Variants in RHOA observed in about 807,000 individuals in gnomAD.
The protein encoded by RHOA is transforming protein RhoA.
RHOA carries 3 observed loss-of-function variants against 17.5 expected under a neutral mutation model. The observed-to-expected ratio is 0.17, with a 90% CI of 0.08 to 0.44. RHOA has a LOEUF of 0.44. RHOA is among the 20% of genes least tolerant of loss of function. RHOA has a pLI of 0.99. For missense variants in RHOA, 56 were observed against 242.3 expected (o/e 0.23, Z 5.10); for synonymous variants, 98 against 88.4 (o/e 1.11, Z -0.61).
intron 3 of RHOA, among the ~76,000 whole-genome samples, chr3:49,365,561 G>A (rs368544111): frequency 1.3e-5 from 2 of 150,282 alleles, no homozygotes; most frequent in East Asian, 2.0e-4. Context: ...ATTGACTGTC[G>A]CCACTTTTGG....
At chr3:49,408,093 C>T (rs914303377) in intron 1 of RHOA, among the ~76,000 whole-genome samples, 1 of 151,570 alleles carries the variant, frequency 6.6e-6, no homozygotes, top group Non-Finnish European at 1.5e-5. Context: ...TAGGAGGCGG[C>T]GGTTGCAGTG....
chr3:49,403,102 G>A (rs890395190), intron 1 of RHOA, among the ~76,000 whole-genome samples: 3 of 151,842 alleles, frequency 2.0e-5, no homozygotes, highest in African/African-American at 7.3e-5. Context: ...AACACTTTGG[G>A]AAGCAGAGGC....
chr3:49,409,748 A>G (rs567576371), intron 1 of RHOA, among the ~76,000 whole-genome samples: 1 of 152,352 alleles, frequency 6.6e-6, no homozygotes, highest in Non-Finnish European at 1.5e-5. Flanking sequence ...AAAGCAGTTA[A>G]CTGACAAATG....
At chr3:49,391,105 C>A (rs2048495285) in intron 1 of RHOA, among the ~76,000 whole-genome samples, 1 of 151,652 alleles carries the variant, frequency 6.6e-6, no homozygotes, top group South Asian at 2.1e-4. Context: ...GTAGTCCCAG[C>A]TACTTGGGAG....
intron 2 of RHOA, among the ~76,000 whole-genome samples, chr3:49,368,882 T>C (rs2048102045): frequency 6.6e-6 from 1 of 151,064 alleles, no homozygotes; most frequent in Non-Finnish European, 1.5e-5. Flanking sequence ...TAATTTTTTG[T>C]ATTTTTAGTA....
intron 1 of RHOA, among the ~76,000 whole-genome samples, chr3:49,403,681 C>T (rs543762793): frequency 2.2e-4 from 33 of 152,092 alleles, no homozygotes; most frequent in South Asian, 1.7e-3. Context: ...GCCATGATTC[C>T]GACACTGCAC....
intron 1 of RHOA, among the ~76,000 whole-genome samples, chr3:49,398,550 G>A (rs960393641): frequency 3.3e-5 from 5 of 151,658 alleles, no homozygotes; most frequent in Non-Finnish European, 4.4e-5. Context: ...CTGGCAGGGC[G>A]CGGTGGCTCA....
At chr3:49,376,448 C>A (rs1401178875) in intron 1 of RHOA, among the ~76,000 whole-genome samples, 2 of 150,324 alleles carry the variant, frequency 1.3e-5, no homozygotes, top group Non-Finnish European at 3.0e-5. Flanking sequence ...TCGAGACCAT[C>A]CTGGCTAACA....
chr3:49,399,181 GAC>G (rs1391945931), intron 1 of RHOA, among the ~76,000 whole-genome samples: 1 of 150,766 alleles, frequency 6.6e-6, no homozygotes, highest in African/African-American at 2.4e-5. Context: ...CACCCTGGCT[GAC>G]ACAGTGAAAC....
intron 1 of RHOA, among the ~76,000 whole-genome samples, chr3:49,405,979 G>A (rs183744769): frequency 7.2e-5 from 11 of 152,184 alleles, no homozygotes; most frequent in African/African-American, 1.7e-4. Context: ...GCCACCATAC[G>A]CAGCCTGCCT....
intron 3 of RHOA, among the ~76,000 whole-genome samples, chr3:49,366,398 T>C (rs1273809180): frequency 6.6e-6 from 1 of 151,982 alleles, no homozygotes; most frequent in Non-Finnish European, 1.5e-5. Context: ...AGGTCAGAAG[T>C]TTGAGAGAAG....
In RHOA at chr3:49,360,439, G is replaced by C. The variant is rs535420486; in HGVS notation, c.409-57C>G. 129 of 1,495,542 alleles carry C rather than the reference G, an allele frequency of 8.6e-5. 1 individual carries two copies. In the South Asian group the frequency reaches 1.5e-3, roughly 18 times the overall value. The allele number at this position is 1,495,542 out of a possible 1,614,324, so 92.6% of individuals were successfully genotyped here. On this transcript the variant is annotated intron_variant, in intron 4 of 4. Coordinates refer to ENST00000418115, the MANE Select transcript of RHOA (RefSeq NM_001664.4). The stretch of plus-strand genomic sequence containing the variant: ...TAATAGTGTGGCATACATATAGTAA[G>C]TAAAAAGTATTCAAATTCATCTAAA...
Position 49,360,174 on chromosome 3 carries a change from A to G in RHOA, c.*35T>C. Reference sequence around the variant, plus strand: ...TAAGATTAATAAACAGCACTTCAAAATTAACCGCATAAGGGCTGTGCTTGC... The same window carrying G: ...TAAGATTAATAAACAGCACTTCAAAGTTAACCGCATAAGGGCTGTGCTTGC... On this transcript the variant is annotated 3_prime_UTR_variant, in exon 5 of 5. Transcript: ENST00000418115. 1 of 1,582,970 alleles carries G rather than the reference A, an allele frequency of 6.3e-7. No homozygotes were observed. The highest frequency in any genetic ancestry group is 1.2e-5 in the South Asian group (1 of 86,388).
intron 1 of RHOA, among the ~76,000 whole-genome samples, chr3:49,408,771 G>C (rs2048881228): frequency 1.3e-5 from 2 of 150,950 alleles, no homozygotes; most frequent in South Asian, 2.1e-4. Context: ...CTAAATGGCA[G>C]AGTCAGACAA....
Position 49,360,243 on chromosome 3 carries a change from C to G in RHOA, c.548G>C (p.Arg183Pro). 6.2e-7 allele frequency: 1 copy of G among 1,613,918 alleles called. No homozygotes were observed. Among genetic ancestry groups the G allele is most frequent in the South Asian group, 1.1e-5 (1 of 91,014 alleles). Residue 183 changes from arginine (R) to proline (P), a missense_variant, in exon 5 of 5, where the codon CGT becomes CCT. Around this residue, in one of 2 missense-constraint regions of RHOA, gnomAD observed 39 missense variants for 86.0 expected, o/e 0.45. Transcript: ENST00000418115. The stretch of plus-strand genomic sequence containing the variant: ...AAGGCACCCAGATTTTTTCTTCCCA[C>G]GTCTAGCTTGCAGAGCAGCTCTCGT... ...MATRAALQAR[R>P]GKKKSGCLVL
At chr3:49,369,298 C>T (rs886113303) in intron 2 of RHOA, among the ~76,000 whole-genome samples, 8 of 117,158 alleles carry the variant, frequency 6.8e-5, no homozygotes, top group Admixed American at 2.2e-4. Context: ...GCTGGGATTA[C>T]AGGCATGAGC....
intron 1 of RHOA, among the ~76,000 whole-genome samples, chr3:49,390,617 G>C (rs1164374233): frequency 6.6e-6 from 1 of 152,092 alleles, no homozygotes; most frequent in Non-Finnish European, 1.5e-5. Flanking sequence ...GTTTGAACCA[G>C]TCAACATGTA....
At chr3:49,401,091 A>G (rs533743272) in intron 1 of RHOA, among the ~76,000 whole-genome samples, 1 of 149,262 alleles carries the variant, frequency 6.7e-6, no homozygotes, top group South Asian at 2.2e-4. Context: ...TAGAAAGGAA[A>G]CTTTCAAAAG....
rs571471523 is a variant in RHOA, at chr3:49,370,935, C to T, written c.157-2387G>A. Reference sequence around the variant, plus strand: ...GCTCTTCCACCCCCGAACTTTTGCCCCAGGATGCATCACAAATAACCTCCA... The same window carrying T: ...GCTCTTCCACCCCCGAACTTTTGCCTCAGGATGCATCACAAATAACCTCCA... On this transcript the variant is annotated intron_variant, in intron 2 of 4. Transcript: ENST00000418115. Among the ~76,000 whole-genome samples the T allele has an allele frequency of 2.0e-5, 3 of 152,212 alleles. No homozygotes were observed. In the South Asian group the frequency reaches 6.2e-4, roughly 32 times the overall value.
Sources: gnomAD v4.1 joint callset for allele counts (sites outside exome capture counted in the v4.1 genomes callset) on GRCh38, gnomAD v4.1.1 for gene constraint, gnomAD v4.1.1 regional missense constraint, MANE v1.5 for transcripts, NCBI Gene and HGNC (gene_info 2026-07-23, HGNC 2026-07-21) for gene names.